The following KLHL6 variants were observed in gnomAD, a reference collection of about 807,000 sequenced individuals.
The protein encoded by KLHL6 is kelch like family member 6.
KLHL6 carries 41 observed loss-of-function variants against 58.6 expected under a neutral mutation model. The ratio of observed to expected loss-of-function variants is 0.70; its 90% CI spans 0.55 to 0.91. The LOEUF (loss-of-function observed/expected upper bound fraction) is 0.91. Ranked by LOEUF, KLHL6 falls within the 40% of genes least tolerant of loss-of-function variation. The pLI is 0.00. For missense variants in KLHL6, 714 were observed against 805.6 expected (o/e 0.89, Z 1.38); for synonymous variants, 338 against 322.7 (o/e 1.05, Z -0.51).
chr3:183,509,316 A>G (rs1718113065), intron 2 of KLHL6, among the ~76,000 whole-genome samples: 1 of 152,246 alleles, frequency 6.6e-6, no homozygotes, highest in South Asian at 2.1e-4. Flanking sequence ...ATGTTGAAGA[A>G]GAATCCTTAT....
Position 183,492,383 on chromosome 3 carries a change from A to G in KLHL6, c.1564+111T>C. On this transcript the variant is annotated intron_variant, in intron 6 of 6. Coordinates refer to ENST00000341319, the MANE Select transcript of KLHL6 (RefSeq NM_130446.4). This position sits in a 1 kb window ranked among gnomAD's most constrained non-coding sequence, Gnocchi z 5.9. The stretch of plus-strand genomic sequence containing the variant: ...TCTCCTGAAAGCCAGAGTGGGTCCT[A>G]GGGGCAGTGAGTTGCCAGCGCTGGA... The G allele has an allele frequency of 1.5e-6, 2 of 1,335,158 alleles. No homozygotes were observed. The highest frequency in any genetic ancestry group is 2.0e-4 in the Middle Eastern group (1 of 5,030). 82.7% of individuals were successfully genotyped at this position (1,335,158 alleles called of 1,614,324 possible).
intron 4 of KLHL6, among the ~76,000 whole-genome samples, chr3:183,498,976 C>G (rs922909115): frequency 1.3e-5 from 2 of 152,198 alleles, no homozygotes; most frequent in African/African-American, 4.8e-5. Flanking sequence ...CTGAATAAAC[C>G]CTTACCACTT....
intron 2 of KLHL6, among the ~76,000 whole-genome samples, chr3:183,520,045 A>G (rs1711704160): frequency 6.6e-6 from 1 of 152,146 alleles, no homozygotes; most frequent in African/African-American, 2.4e-5. Context: ...AAAGCAGGCA[A>G]AACTAACCCA....
At chr3:183,537,307 G>C (rs898935356) in intron 1 of KLHL6, among the ~76,000 whole-genome samples, 1 of 152,106 alleles carries the variant, frequency 6.6e-6, no homozygotes, top group East Asian at 1.9e-4. Context: ...GGAGTTCAAG[G>C]CCTTTTGCGG....
chr3:183,534,118 T>TTTTAAAGTACTTTAAAAGTACTTTACC, intron 1 of KLHL6, among the ~76,000 whole-genome samples: 1 of 123,892 alleles, frequency 8.1e-6, no homozygotes, highest in Non-Finnish European at 1.8e-5. Context: ...AGTACTTTAC[T>TTTTAAAGTACTTTAAAAGTACTTTACC]TTTAAAGTAC....
chr3:183,521,498 G>A (rs570403637), intron 2 of KLHL6: 2 of 152,354 alleles, frequency 1.3e-5, no homozygotes, highest in Non-Finnish European at 2.9e-5. Context: ...TGCCTTCAGG[G>A]TGATGGCTTG....
intron 2 of KLHL6, among the ~76,000 whole-genome samples, chr3:183,515,167 T>C (rs1711519402): frequency 6.6e-6 from 1 of 152,170 alleles, no homozygotes; most frequent in Non-Finnish European, 1.5e-5. Flanking sequence ...GAGAGCTAAG[T>C]CAAAAGATCC....
At chr3:183,515,375 T>G (rs1711530371) in intron 2 of KLHL6, among the ~76,000 whole-genome samples, 1 of 152,074 alleles carries the variant, frequency 6.6e-6, no homozygotes, top group South Asian at 2.1e-4. Context: ...TAGTGAGACC[T>G]CGTCTTTACA....
chr3:183,491,840 T>C lies in KLHL6; in HGVS notation c.*87A>G. ...TGATGTATGGCCTCAAACTCGAGCC[T>C]GCTGCCTGAAGTGGGACTGGAGGAG... On this transcript the variant is annotated 3_prime_UTR_variant, in exon 7 of 7. Transcript: ENST00000341319. 1 of 1,237,100 alleles carries C rather than the reference T, an allele frequency of 8.1e-7. No individual in the cohort carries two copies. Among genetic ancestry groups the C allele is most frequent in the Non-Finnish European group, 1.1e-6 (1 of 924,880 alleles). 76.6% of individuals were successfully genotyped at this position (1,237,100 alleles called of 1,614,324 possible).
intron 2 of KLHL6, among the ~76,000 whole-genome samples, chr3:183,526,392 G>A (rs955272970): frequency 6.6e-6 from 1 of 152,172 alleles, no homozygotes; most frequent in Admixed American, 6.5e-5. Context: ...TTATGATGCC[G>A]TGAAGCCTGA....
chr3:183,510,368 C>T (rs1182369258), intron 2 of KLHL6, among the ~76,000 whole-genome samples: 1 of 151,932 alleles, frequency 6.6e-6, no homozygotes, highest in African/African-American at 2.4e-5. Flanking sequence ...ACAGACCTGA[C>T]TGGGGAGGGT....
At chr3:183,510,181 C>A (rs1718141194) in intron 2 of KLHL6, among the ~76,000 whole-genome samples, 1 of 151,950 alleles carries the variant, frequency 6.6e-6, no homozygotes, top group Non-Finnish European at 1.5e-5. Context: ...TAGCTTTGAA[C>A]AATTTCAACC....
At chr3:183,529,914 T>C (rs1302472663) in intron 1 of KLHL6, among the ~76,000 whole-genome samples, 1 of 152,102 alleles carries the variant, frequency 6.6e-6, no homozygotes, top group East Asian at 1.9e-4. Flanking sequence ...AGGATTGATG[T>C]TCTTATAAGA....
At chr3:183,521,446 T>G (rs1327777479) in intron 2 of KLHL6, 1 of 152,240 alleles carries the variant, frequency 6.6e-6, no homozygotes, top group African/African-American at 2.4e-5. Flanking sequence ...AACATTGCAC[T>G]GGGCAGTCCT....
chr3:183,539,845 G>C (rs1176338839), intron 1 of KLHL6, among the ~76,000 whole-genome samples: 1 of 152,148 alleles, frequency 6.6e-6, no homozygotes, highest in African/African-American at 2.4e-5. Flanking sequence ...ATCCCTCCAA[G>C]TCCCACCAGA....
intron 2 of KLHL6, among the ~76,000 whole-genome samples, chr3:183,526,091 T>A (rs961257453): frequency 6.6e-6 from 1 of 152,166 alleles, no homozygotes; most frequent in Non-Finnish European, 1.5e-5. Context: ...GCGGATCACC[T>A]GAGGTCGGGA....
intron 2 of KLHL6, 118 bp downstream of exon 2, chr3:183,527,727 T>C: frequency 2.7e-6 from 2 of 750,796 alleles, no homozygotes; most frequent in Non-Finnish European, 4.4e-6. Flanking sequence ...TGTGTGCGTG[T>C]GTGTGTGTGT....
rs569932437 is a variant in KLHL6 at position 183,501,280 on chromosome 3, A to T, written c.910-1453T>A. 3.9e-5 allele frequency among the ~76,000 whole-genome samples: 6 copies of T among 152,248 alleles called. No homozygotes were observed. The South Asian group carries it at 1.2e-3, about 32-fold the overall frequency. On this transcript the variant is annotated intron_variant, in intron 3 of 6. Transcript: ENST00000341319. ...ATCTGGGCAATGGCACCAAAGACAA[A>T]CTTTGCTGCTCTGCAACTTTCTCTT...
In KLHL6 at chr3:183,499,549, G is replaced by T; in HGVS notation, c.1147+41C>A. On this transcript the variant is annotated intron_variant, in intron 4 of 6. Coordinates refer to ENST00000341319, the MANE Select transcript of KLHL6 (RefSeq NM_130446.4). The surrounding 1 kb of genome is among the most constrained non-coding windows in gnomAD (Gnocchi z 4.6). ...GCTGCCACTCAGGAATATATGTAGT[G>T]CTACTGGAGCTTGCTTTGCCTTTAC... 2.2e-6 allele frequency: 3 copies of T among 1,363,436 alleles called. No homozygotes were observed. The highest frequency in any genetic ancestry group is 2.0e-6 in the Non-Finnish European group (2 of 981,646). The allele number at this position is 1,363,436 out of a possible 1,614,324, so 84.5% of individuals were successfully genotyped here.
Sources: allele counts gnomAD v4.1 joint callset (sites outside exome capture counted in the v4.1 genomes callset), GRCh38; gene constraint gnomAD v4.1.1; non-coding constraint Gnocchi (gnomAD v3.1); transcripts MANE v1.5; gene names NCBI Gene and HGNC (gene_info 2026-07-23, HGNC 2026-07-21).